VWA7: variants seen among roughly 807,000 people sequenced by gnomAD.
VWA7 encodes von Willebrand factor A domain-containing protein 7.
VWA7 carries 66 observed loss-of-function variants against 83.1 expected under a neutral mutation model. That is an observed-to-expected ratio of 0.79 (90% CI 0.65 to 0.98). The LOEUF is 0.98. Among genes scored for constraint, VWA7 ranks in the 50% least tolerant of loss-of-function variants. The probability of loss-of-function intolerance (pLI) is 0.00; values close to 1 mark genes in which losing one functional copy is unlikely to be tolerated. For missense variants in VWA7, 1,080 were observed against 1,160.2 expected (o/e 0.93, Z 1.00); for synonymous variants, 424 against 488.5 (o/e 0.87, Z 1.74).
Position 31,776,394 on chromosome 6 carries a change from T to A in VWA7, c.234+152A>T, listed in dbSNP as rs527654696. The stretch of plus-strand genomic sequence containing the variant: ...CCCGGACCTTTCTAAGGAGGGGGAC[T>A]CCTAATTTCAGGACCAAGACTACTG... On this transcript the variant is annotated intron_variant, in intron 2 of 16. Transcript: ENST00000375688. The surrounding 1 kb of genome is among the most constrained non-coding windows in gnomAD (Gnocchi z 6.2). 127 of 1,284,046 alleles carry A rather than the reference T, an allele frequency of 9.9e-5. No individual in the cohort carries two copies. In the East Asian group the frequency reaches 2.8e-3, roughly 28 times the overall value. 79.5% of individuals were successfully genotyped at this position (1,284,046 alleles called of 1,614,324 possible).
rs537873745 is a variant in VWA7, at chr6:31,770,331, A to G, written c.1088-218T>C. Among the ~76,000 whole-genome samples the G allele has an allele frequency of 5.3e-5, 8 of 151,862 alleles. No homozygotes were observed. In the East Asian group the frequency reaches 9.8e-4, roughly 19 times the overall value. Reference sequence around the variant, plus strand: ...CCAAGGTGGGTGGATCATGAGGTCAAGAGATCAAAACCATCCTGGCCAACA... The same window carrying G: ...CCAAGGTGGGTGGATCATGAGGTCAGGAGATCAAAACCATCCTGGCCAACA... On this transcript the variant is annotated intron_variant, in intron 7 of 16. Coordinates refer to ENST00000375688, the MANE Select transcript of VWA7 (RefSeq NM_025258.3).
chr6:31,767,808 G>A, intron 10 of VWA7, 54 bp from the exon 11 acceptor site: 1 of 1,565,120 alleles, frequency 6.4e-7, no homozygotes, highest in Non-Finnish European at 8.7e-7. Context: ...TATGGGATGA[G>A]GAACAAAGAA....
rs1811687417 is a variant in VWA7 at position 31,767,172 on chromosome 6, G to A, written c.1868C>T (p.Thr623Ile). The change falls in exon 13 of 17, where the codon ACT (threonine) becomes ATT (isoleucine). Residue 623 changes from threonine (T) to isoleucine (I), a missense_variant. Coordinates refer to ENST00000375688, the MANE Select transcript of VWA7 (RefSeq NM_025258.3). ...AATAAATGTACCTGCAACTGGCTGA[G>A]TCAGGGGGTAGAGGCCAGGGTGGGG... is the stretch of plus-strand genomic sequence containing the variant. ...DGPHPGLYPL[T>I]QPVAGLQTQL... 1 of 1,533,568 alleles carries A rather than the reference G, an allele frequency of 6.5e-7. No individual in the cohort carries two copies. The highest frequency in any genetic ancestry group is 8.7e-7 in the Non-Finnish European group (1 of 1,151,294). 95.0% of individuals were successfully genotyped at this position (1,533,568 alleles called of 1,614,324 possible).
chr6:31,766,979 A>G lies in VWA7; in HGVS notation c.1882+179T>C, dbSNP rs189650950. Among the ~76,000 whole-genome samples the G allele has an allele frequency of 4.6e-3, 692 of 151,516 alleles. 22 individuals are homozygous for G. In the South Asian group the frequency reaches 0.082, roughly 18 times the overall value. ...GGGTGTATTATATGAAATCCATCAAACTGTACACTTTAGTGCACATTATGT... is the reference window on the plus strand; with the variant it reads ...GGGTGTATTATATGAAATCCATCAAGCTGTACACTTTAGTGCACATTATGT... On this transcript the variant is annotated intron_variant, in intron 13 of 16. Transcript: ENST00000375688. This position sits in a 1 kb window ranked among gnomAD's most constrained non-coding sequence, Gnocchi z 4.9.
chr6:31,769,609 T>C lies in VWA7; in HGVS notation c.1317+66A>G, dbSNP rs1811970808. 6 of 1,437,660 alleles carry C rather than the reference T, an allele frequency of 4.2e-6. No individual in the cohort carries two copies. The highest frequency in any genetic ancestry group is 2.9e-6 in the Non-Finnish European group (3 of 1,024,120). The allele number at this position is 1,437,660 out of a possible 1,614,324, so 89.1% of individuals were successfully genotyped here. ...GTGTGGTGCAACCCTCGTTATGAGATTGTCATCACAGGGTCTCTCACATCC... is the reference window on the plus strand; with the variant it reads ...GTGTGGTGCAACCCTCGTTATGAGACTGTCATCACAGGGTCTCTCACATCC... On this transcript the variant is annotated intron_variant, in intron 9 of 16. Coordinates refer to ENST00000375688, the MANE Select transcript of VWA7 (RefSeq NM_025258.3). The surrounding 1 kb of genome is among the most constrained non-coding windows in gnomAD (Gnocchi z 4.5).
At position 31,770,084 on chromosome 6, in the gene VWA7, G is replaced by A. The variant is rs150629210; in HGVS notation, c.1117C>T (p.Pro373Ser). ...GFGPVFTTSDPDSFWQQLNEI... is the reference protein window; with the variant it reads ...GFGPVFTTSDSDSFWQQLNEI... ...TTAAGCTGTTGCCAGAAGCTGTCAG[G>A]GTCACTGGTTGTAAAGACAGGGCCG... is the stretch of plus-strand genomic sequence containing the variant. The change falls in exon 8 of 17, where the codon CCT becomes TCT. Residue 373 changes from proline (P) to serine (S), a missense_variant. Transcript: ENST00000375688. 168 of 1,612,934 alleles carry A rather than the reference G, an allele frequency of 1.0e-4. No individual in the cohort carries two copies. The African/African-American group carries it at 2.1e-3, about 20-fold the overall frequency.
rs1477736106 is a variant in VWA7 at position 31,773,008 on chromosome 6, T to C, written c.1033A>G (p.Arg345Gly). ...IQARHLVEQR[R>G]GSPMEPVHYV... is the part of the protein sequence containing the mutation. Reference sequence around the variant, plus strand: ...TGGACAGGCTCCATGGGGCTGCCTCTCCGCTGCTCCACAAGGTGGCGAGCC... The same window carrying C: ...TGGACAGGCTCCATGGGGCTGCCTCCCCGCTGCTCCACAAGGTGGCGAGCC... The change falls in exon 7 of 17, where the codon AGA (arginine) becomes GGA (glycine). Residue 345 changes from arginine (R) to glycine (G), a missense_variant. Physicochemically the swap from Arg to Gly is moderately radical, Grantham distance 125 (BLOSUM62 -2). Coordinates refer to ENST00000375688, the MANE Select transcript of VWA7 (RefSeq NM_025258.3). This position sits in a 1 kb window ranked among gnomAD's most constrained non-coding sequence, Gnocchi z 5.3. 2 of 1,527,390 alleles carry C rather than the reference T, an allele frequency of 1.3e-6. No homozygotes were observed. The highest frequency in any genetic ancestry group is 3.4e-5 in the Admixed American group (2 of 59,020). The allele number at this position is 1,527,390 out of a possible 1,614,324, so 94.6% of individuals were successfully genotyped here. A position where few individuals can be genotyped will look rare whatever the true frequency, so the allele number is the denominator to read the frequency against.
At position 31,769,082 on chromosome 6, in the gene VWA7, ATCACCTCTCCTCC is replaced by A; in HGVS notation, c.1426_1438del (p.Gly476SerfsTer23). The stretch of plus-strand genomic sequence containing the variant: ...TCGAATGTGCTGGTCTTTGGTGAAG[ATCACCTCTCCTCC>A]TGAGGCCAGGGCCACTGCTTTGTAT... On this transcript the variant is annotated frameshift_variant, in exon 10 of 17. Coordinates refer to ENST00000375688, the MANE Select transcript of VWA7 (RefSeq NM_025258.3). LOFTEE classifies it high-confidence loss of function. The surrounding 1 kb of genome is among the most constrained non-coding windows in gnomAD (Gnocchi z 4.5). The A allele has an allele frequency of 6.2e-7, 1 of 1,613,052 alleles. No homozygotes were observed. Among genetic ancestry groups the A allele is most frequent in the Non-Finnish European group, 8.5e-7 (1 of 1,180,016 alleles).
rs757100447 is a variant in VWA7, at chr6:31,769,631, A to G, written c.1317+44T>C. ...AGATTGTCATCACAGGGTCTCTCAC[A>G]TCCCTGGGAGGCTAACACTGGGTCT... On this transcript the variant is annotated intron_variant, in intron 9 of 16. Transcript: ENST00000375688. This position sits in a 1 kb window ranked among gnomAD's most constrained non-coding sequence, Gnocchi z 4.5. 3.9e-6 allele frequency: 6 copies of G among 1,542,066 alleles called. No homozygotes were observed. Among genetic ancestry groups the G allele is most frequent in the Non-Finnish European group, 4.5e-6 (5 of 1,116,196 alleles).
At chr6:31,771,935 G>A (rs1292065027) in intron 7 of VWA7, 1 of 141,504 alleles carries the variant, frequency 7.1e-6, no homozygotes, top group Admixed American at 7.5e-5. Flanking sequence ...AGCTTGTAGT[G>A]AGCCGAGATC....
rs1811698021 is a variant in VWA7, at chr6:31,767,231, G to T, written c.1809C>A (p.Phe603Leu). Residue 603 changes from phenylalanine to leucine, a missense_variant, in exon 13 of 17, where the codon TTC (phenylalanine) becomes TTA (leucine). By Grantham distance (22) the Phe-to-Leu change is conservative. Transcript: ENST00000375688. ...CCATGGGGATCCCAAAGTGGAAGAG[G>T]AAGTCCAGGGAGGTCTGGGCTGGGA... ...VRVQAQTSLD[F>L]LFHFGIPMED... 31 of 1,607,248 alleles carry T rather than the reference G, an allele frequency of 1.9e-5. No individual in the cohort carries two copies. Among genetic ancestry groups the T allele is most frequent in the Non-Finnish European group, 2.5e-5 (30 of 1,177,750 alleles).
In VWA7 at chr6:31,776,102, G is replaced by T; in HGVS notation, c.375C>A (p.Asp125Glu). Residue 125 changes from aspartate to glutamate, a missense_variant, in exon 3 of 17, where the codon GAC becomes GAA. Physicochemically the swap from Asp to Glu is conservative, Grantham distance 45. Transcript: ENST00000375688. The surrounding 1 kb of genome is among the most constrained non-coding windows in gnomAD (Gnocchi z 6.2). ...CCAGTCGCTCAGCATCAAAGTGCAGGTCGGGGTCATTCCTGGAAGTTGGCA... is the reference window on the plus strand; with the variant it reads ...CCAGTCGCTCAGCATCAAAGTGCAGTTCGGGGTCATTCCTGGAAGTTGGCA... ...DFLPTSRNDP[D>E]LHFDAERLGQ... 2 of 1,614,040 alleles carry T rather than the reference G, an allele frequency of 1.2e-6. No individual in the cohort carries two copies. The highest frequency in any genetic ancestry group is 8.5e-7 in the Non-Finnish European group (1 of 1,180,028).
chr6:31,770,807 C>T (rs1003278650), intron 7 of VWA7, among the ~76,000 whole-genome samples: 1 of 151,480 alleles, frequency 6.6e-6, no homozygotes, highest in African/African-American at 2.4e-5. Flanking sequence ...CCCAGGAGCT[C>T]GAGATCAGCC....
Position 31,765,628 on chromosome 6 carries a change from C to G in VWA7, c.2642G>C (p.Gly881Ala), listed in dbSNP as rs1339636074. The G allele has an allele frequency of 1.2e-6, 2 of 1,611,360 alleles. No individual in the cohort carries two copies. Among genetic ancestry groups the G allele is most frequent in the Admixed American group, 3.3e-5 (2 of 59,840 alleles). ...GGCCAGGCCTAGCAGAAGCAGCACCCCTCCAACTGTGCCCCACCAGGGGCT... is the reference window on the plus strand; with the variant it reads ...GGCCAGGCCTAGCAGAAGCAGCACCGCTCCAACTGTGCCCCACCAGGGGCT... Reference protein sequence around the residue: ...AGSPWWGTVGGVLLLLGLASW With the variant: ...AGSPWWGTVGAVLLLLGLASW Residue 881 changes from glycine to alanine, a missense_variant, in exon 17 of 17, where the codon GGG becomes GCG. Physicochemically the swap from Gly to Ala is moderately conservative, Grantham distance 60. Transcript: ENST00000375688.
chr6:31,769,341 G>A lies in VWA7; in HGVS notation c.1318-138C>T. The A allele has an allele frequency of 9.2e-7, 1 of 1,088,056 alleles. No homozygotes were observed. Among genetic ancestry groups the A allele is most frequent in the East Asian group, 2.5e-5 (1 of 39,630 alleles). The allele number at this position is 1,088,056 out of a possible 1,614,324, so 67.4% of individuals were successfully genotyped here. On this transcript the variant is annotated intron_variant, in intron 9 of 16. Transcript: ENST00000375688. The surrounding 1 kb of genome is among the most constrained non-coding windows in gnomAD (Gnocchi z 4.5). The stretch of plus-strand genomic sequence containing the variant: ...CTGCCTGCCTTCTGGCTGCTGGGGT[G>A]GGGAATCCCAATGACAGAACCCCCT...
At position 31,769,055 on chromosome 6, in the gene VWA7, T is replaced by C; in HGVS notation, c.1466A>G (p.Asp489Gly). Reference sequence around the variant, plus strand: ...GCTCTCCCCAACAATGGCTGCCACGTCTCGAATGTGCTGGTCTTTGGTGAA... The same window carrying C: ...GCTCTCCCCAACAATGGCTGCCACGCCTCGAATGTGCTGGTCTTTGGTGAA... Reference protein sequence around the residue: ...VIFTKDQHIRDVAAIVGESMA... With the variant: ...VIFTKDQHIRGVAAIVGESMA... The change falls in exon 10 of 17, where the codon GAC becomes GGC. Residue 489 changes from aspartate to glycine, a missense_variant. Transcript: ENST00000375688. This position sits in a 1 kb window ranked among gnomAD's most constrained non-coding sequence, Gnocchi z 4.5. 1 of 1,612,916 alleles carries C rather than the reference T, an allele frequency of 6.2e-7. No individual in the cohort carries two copies.
chr6:31,767,072 A>G (rs1293030717), intron 13 of VWA7, 86 bp downstream of exon 13: 1 of 344,572 alleles, frequency 2.9e-6, no homozygotes, highest in Non-Finnish European at 5.2e-6. Flanking sequence ...CATTATATAT[A>G]TAATATATAT....
At position 31,766,500 on chromosome 6, in the gene VWA7, G is replaced by A. The variant is rs762087229; in HGVS notation, c.2147C>T (p.Ala716Val). ...AGGGACTACAGTGCTAGGCTGAGGG[G>A]CAGCCCTGTGCAGGCGCCGCCCCGC... ...DAAGRRLHRA[A>V]PQPSTVVPVL... is the part of the protein sequence containing the mutation. The change falls in exon 14 of 17, where the codon GCC (alanine) becomes GTC (valine). Residue 716 changes from alanine to valine, a missense_variant. By Grantham distance (64) the Ala-to-Val change is moderately conservative. Transcript: ENST00000375688. This position sits in a 1 kb window ranked among gnomAD's most constrained non-coding sequence, Gnocchi z 4.9. 4.4e-6 allele frequency: 7 copies of A among 1,604,368 alleles called. No homozygotes were observed. The South Asian group carries it at 5.5e-5, about 13-fold the overall frequency.
At position 31,773,853 on chromosome 6, in the gene VWA7, T is replaced by A. The variant is rs1032100167; in HGVS notation, c.722-416A>T. ...CAGAGCAAGACTCGGTCTCAAAAAA[T>A]AAATAAATAAATAAATGATGGCTGG... On this transcript the variant is annotated intron_variant, in intron 5 of 16. Coordinates refer to ENST00000375688, the MANE Select transcript of VWA7 (RefSeq NM_025258.3). This position sits in a 1 kb window ranked among gnomAD's most constrained non-coding sequence, Gnocchi z 5.3. 4.2e-5 allele frequency among the ~76,000 whole-genome samples: 6 copies of A among 141,494 alleles called. No homozygotes were observed. The highest frequency in any genetic ancestry group is 1.3e-4 in the African/African-American group (5 of 37,416). The allele number at this position is 141,494 out of a possible 152,430, so 92.8% of individuals were successfully genotyped here. A position where few individuals can be genotyped will look rare whatever the true frequency, so the allele number is the denominator to read the frequency against.
Sources: allele counts gnomAD v4.1 joint callset (sites outside exome capture counted in the v4.1 genomes callset), GRCh38; gene constraint gnomAD v4.1.1; non-coding constraint Gnocchi (gnomAD v3.1); transcripts MANE v1.5; gene names NCBI Gene and HGNC (gene_info 2026-07-23, HGNC 2026-07-21).